The following MAP3K2 variants were observed in gnomAD, a reference collection of about 807,000 sequenced individuals.
MAP3K2 encodes the protein MAP/ERK kinase kinase 2.
Under a neutral mutation model 80.3 loss-of-function variants are expected in MAP3K2, and 24 were observed. The observed-to-expected ratio is 0.30, with a 90% confidence interval of 0.22 to 0.42. The LOEUF (loss-of-function observed/expected upper bound fraction) is 0.42, where lower values mean the gene tolerates loss of function less well. MAP3K2 is among the 10% of genes least tolerant of loss of function. The pLI is 1.00. For synonymous variants in MAP3K2, 244 were observed against 253.7 expected, an observed-to-expected ratio of 0.96 and a Z score of 0.36; for missense variants, 608 against 750.1, an observed-to-expected ratio of 0.81 and a Z score of 2.21.
intron 1 of MAP3K2, among the ~76,000 whole-genome samples, chr2:127,367,506 C>T (rs1686992740): frequency 6.6e-6 from 1 of 152,162 alleles, no homozygotes; most frequent in Non-Finnish European, 1.5e-5. Flanking sequence ...TGGATTAAAA[C>T]TCCAGGCAGG....
chr2:127,362,356 GA>G (rs1258527808), intron 1 of MAP3K2, among the ~76,000 whole-genome samples: 1 of 152,208 alleles, frequency 6.6e-6, no homozygotes, highest in African/African-American at 2.4e-5. Context: ...AAAGTGCTTA[GA>G]AAGAGGCTGG....
chr2:127,373,880 A>G (rs536806347), intron 1 of MAP3K2, among the ~76,000 whole-genome samples: 1 of 152,328 alleles, frequency 6.6e-6, no homozygotes, highest in Admixed American at 6.5e-5. Flanking sequence ...TTGAAGCAGT[A>G]TTACCCTTAT....
chr2:127,331,120 A>T (rs1324185794), intron 5 of MAP3K2, among the ~76,000 whole-genome samples: 2 of 152,180 alleles, frequency 1.3e-5, no homozygotes, highest in East Asian at 3.8e-4. Flanking sequence ...TCCATAGTAA[A>T]CCCTGCATGT....
rs1409206358 is a variant in MAP3K2 at position 127,359,676 on chromosome 2, AATGG to A, written c.-65-16486_-65-16483del. ...TGACTGAATCATGAGGGTGGTTTCT[AATGG>A]TTTAGCACCATCCCTCTAGTGCTGC... On this transcript the variant is annotated intron_variant, in intron 1 of 16. Coordinates refer to ENST00000682094, the MANE Select transcript of MAP3K2 (RefSeq NM_001371910.2). 2.6e-5 allele frequency among the ~76,000 whole-genome samples: 4 copies of A among 152,250 alleles called. No homozygotes were observed. In the East Asian group the frequency reaches 7.7e-4, roughly 29 times the overall value.
intron 12 of MAP3K2, among the ~76,000 whole-genome samples, chr2:127,318,690 G>A (rs1685955049): frequency 6.6e-6 from 1 of 152,170 alleles, no homozygotes; most frequent in African/African-American, 2.4e-5. Context: ...CTACAATGTA[G>A]AAAGCTGGAA....
intron 1 of MAP3K2, among the ~76,000 whole-genome samples, chr2:127,361,413 G>A (rs1686888363): frequency 6.6e-6 from 1 of 151,602 alleles, no homozygotes; most frequent in South Asian, 2.1e-4. Flanking sequence ...CTCCCAGAAT[G>A]AATAAAAGAA....
intron 1 of MAP3K2, among the ~76,000 whole-genome samples, chr2:127,375,606 C>T (rs1249733691): frequency 1.3e-5 from 2 of 151,914 alleles, no homozygotes; most frequent in African/African-American, 4.8e-5. Flanking sequence ...GATGGGGTTT[C>T]ACCATGTTAG....
At chr2:127,353,162 C>T (rs1271014418) in intron 1 of MAP3K2, among the ~76,000 whole-genome samples, 1 of 151,578 alleles carries the variant, frequency 6.6e-6, no homozygotes, top group Non-Finnish European at 1.5e-5. Flanking sequence ...GGCCGCCCAT[C>T]GTCTGGGATG....
chr2:127,312,185 G>A (rs1473311634), intron 15 of MAP3K2, among the ~76,000 whole-genome samples: 3 of 152,152 alleles, frequency 2.0e-5, no homozygotes, highest in African/African-American at 7.2e-5. Flanking sequence ...TTCTCCGCTT[G>A]TTAGCCAAAA....
chr2:127,372,362 A>G (rs916418375), intron 1 of MAP3K2, among the ~76,000 whole-genome samples: 1 of 152,234 alleles, frequency 6.6e-6, no homozygotes, highest in Non-Finnish European at 1.5e-5. Context: ...AGTACACTGG[A>G]ATCAATTAAT....
In MAP3K2 at chr2:127,321,325, AT is replaced by A. The variant is rs573850654; in HGVS notation, c.1045+720del. Among the ~76,000 whole-genome samples the A allele has an allele frequency of 1.5e-3, 227 of 152,316 alleles. No homozygotes were observed. The highest frequency in any genetic ancestry group is 2.8e-3 in the Non-Finnish European group (193 of 68,024). ...TAGACTGAAGATATATATAAAAGAC[AT>A]TTTTCTCTTATTTTTAATCACTTCA... On this transcript the variant is annotated intron_variant, in intron 12 of 16. Transcript: ENST00000682094. The surrounding 1 kb of genome is among the most constrained non-coding windows in gnomAD (Gnocchi z 4.4).
Position 127,378,975 on chromosome 2 carries a change from T to TTTG in MAP3K2, c.-66+8474_-66+8476dup, listed in dbSNP as rs1390807490. On this transcript the variant is annotated intron_variant, in intron 1 of 16. Coordinates refer to ENST00000682094, the MANE Select transcript of MAP3K2 (RefSeq NM_001371910.2). ...ACGTCTGGCTAATTTTGTGGGGTTT[T>TTTG]TTGTTGTTTTTTTTTTTTTTTTTTT... is the stretch of plus-strand genomic sequence containing the variant. Among the ~76,000 whole-genome samples, 404 of 128,218 alleles carry TTTG rather than the reference T, an allele frequency of 3.2e-3. 7 individuals are homozygous for TTTG. The highest frequency in any genetic ancestry group is 8.3e-3 in the Middle Eastern group (2 of 240). The allele number at this position is 128,218 out of a possible 152,430, so 84.1% of individuals were successfully genotyped here.
rs1323519961 is a variant in MAP3K2, at chr2:127,310,891, T to G, written c.1457-2129A>C. 6.6e-6 allele frequency among the ~76,000 whole-genome samples: 1 copy of G among 152,198 alleles called. No homozygotes were observed. ...AAGCCATTTATTTTATTATCTAATT[T>G]TAAAATTTTACTTCAATTCTTATTT... On this transcript the variant is annotated intron_variant, in intron 15 of 16. Transcript: ENST00000682094. The surrounding 1 kb of genome is among the most constrained non-coding windows in gnomAD (Gnocchi z 4.8).
In MAP3K2 at chr2:127,306,246, C is replaced by G. The variant is rs1361604913; in HGVS notation, c.*1333G>C. On this transcript the variant is annotated 3_prime_UTR_variant, in exon 17 of 17. Coordinates refer to ENST00000682094, the MANE Select transcript of MAP3K2 (RefSeq NM_001371910.2). The surrounding 1 kb of genome is among the most constrained non-coding windows in gnomAD (Gnocchi z 4.7). ...TTTTCAGTTTATAACTGGGACTGATCTTTACATCAGGGTTTCTCAGCCTCA... is the reference window on the plus strand; with the variant it reads ...TTTTCAGTTTATAACTGGGACTGATGTTTACATCAGGGTTTCTCAGCCTCA... 1 of 152,154 alleles carries G rather than the reference C, an allele frequency of 6.6e-6. No homozygotes were observed. Among genetic ancestry groups the G allele is most frequent in the Non-Finnish European group, 1.5e-5 (1 of 68,020 alleles). 9.4% of individuals were successfully genotyped at this position (152,154 alleles called of 1,614,324 possible).
In MAP3K2 at chr2:127,317,688, C is replaced by T; in HGVS notation, c.1267G>A (p.Gly423Ser). 6.3e-7 allele frequency: 1 copy of T among 1,595,874 alleles called. No homozygotes were observed. Among genetic ancestry groups the T allele is most frequent in the Non-Finnish European group, 8.5e-7 (1 of 1,170,050 alleles). ...LLHERIVQYY[G>S]CLRDPQEKTL... is the part of the protein sequence containing the mutation. Reference sequence around the variant, plus strand: ...TTTTCCTGGGGATCCCTCAAACAGCCATAATACTGAACAATTCGCTCATGT... The same window carrying T: ...TTTTCCTGGGGATCCCTCAAACAGCTATAATACTGAACAATTCGCTCATGT... Residue 423 changes from glycine (G) to serine (S), a missense_variant, in exon 14 of 17, where the codon GGC becomes AGC. By Grantham distance (56) the Gly-to-Ser change is moderately conservative. Coordinates refer to ENST00000682094, the MANE Select transcript of MAP3K2 (RefSeq NM_001371910.2).
At position 127,337,773 on chromosome 2, in the gene MAP3K2, A is replaced by C; in HGVS notation, c.129T>G (p.Asp43Glu). ...CTCTATGTTCAAATTTGACTCGGAC[A>C]TCATTCTGTAATGAAATGACAAATC... ...AKSSSPKKQN[D>E]VRVKFEHRGE... is the part of the protein sequence containing the mutation. The change falls in exon 4 of 17, where the codon GAT becomes GAG. Residue 43 changes from aspartate to glutamate, a missense_variant. By Grantham distance (45) the Asp-to-Glu change is conservative. Around this residue, in one of 4 missense-constraint regions of MAP3K2, gnomAD observed 467 missense variants for 521.9 expected, o/e 0.89. Transcript: ENST00000682094. 6.6e-7 allele frequency: 1 copy of C among 1,525,302 alleles called. No individual in the cohort carries two copies. 94.5% of individuals were successfully genotyped at this position (1,525,302 alleles called of 1,614,324 possible). A position where few individuals can be genotyped will look rare whatever the true frequency, so the allele number is the denominator to read the frequency against.
chr2:127,311,538 G>C (rs1341767396), intron 15 of MAP3K2, among the ~76,000 whole-genome samples: 1 of 152,124 alleles, frequency 6.6e-6, no homozygotes, highest in Admixed American at 6.5e-5. Flanking sequence ...TTATTAAGGA[G>C]ACTTTTCAGA....
rs545111821 is a variant in MAP3K2, at chr2:127,351,619, A to G, written c.-65-8425T>C. 6.9e-4 allele frequency among the ~76,000 whole-genome samples: 105 copies of G among 151,934 alleles called. 1 individual carries two copies. Among genetic ancestry groups the G allele is most frequent in the Non-Finnish European group, 2.4e-4 (16 of 67,982 alleles). On this transcript the variant is annotated intron_variant, in intron 1 of 16. Coordinates refer to ENST00000682094, the MANE Select transcript of MAP3K2 (RefSeq NM_001371910.2). ...CTTTCCCTTAAAAATATATTTCACT[A>G]CTCCAAGCCATAATCCTCTCTTGCA... is the stretch of plus-strand genomic sequence containing the variant.
chr2:127,311,777 G>T (rs1172830949), intron 15 of MAP3K2, among the ~76,000 whole-genome samples: 1 of 151,924 alleles, frequency 6.6e-6, no homozygotes, highest in African/African-American at 2.4e-5. Flanking sequence ...CAAATATATA[G>T]TCGGTGTTCA....
Sources: gnomAD v4.1 joint callset for allele counts (sites outside exome capture counted in the v4.1 genomes callset) on GRCh38, gnomAD v4.1.1 for gene constraint, gnomAD v4.1.1 regional missense constraint, Gnocchi (gnomAD v3.1) non-coding constraint, MANE v1.5 for transcripts, NCBI Gene and HGNC (gene_info 2026-07-23, HGNC 2026-07-21) for gene names.